KIF6: variants seen among roughly 807,000 people sequenced by gnomAD.
The protein encoded by KIF6 is kinesin-like protein KIF6.
Under a neutral mutation model 112.7 loss-of-function variants are expected in KIF6, and 106 were observed. The ratio of observed to expected loss-of-function variants is 0.94; its 90% CI spans 0.80 to 1.11. The LOEUF is 1.11. Ranked by LOEUF, KIF6 falls within the 50% of genes least tolerant of loss-of-function variation. The pLI is 0.00. For synonymous variants in KIF6, 339 were observed against 339.9 expected (o/e 1.00, Z 0.03); for missense variants, 929 against 964.0 (o/e 0.96, Z 0.48).
chr6:39,596,303 A>T (rs760455567), intron 6 of KIF6, 43 bp from the exon 7 acceptor site: 57 of 1,271,002 alleles, frequency 4.5e-5, no homozygotes, highest in Non-Finnish European at 6.2e-5. Context: ...AACAATGAAA[A>T]TTTTTAAAGA....
intron 5 of KIF6, among the ~76,000 whole-genome samples, chr6:39,631,001 T>C (rs1248579039): frequency 1.3e-5 from 2 of 152,092 alleles, no homozygotes; most frequent in Non-Finnish European, 2.9e-5. Context: ...GAACTAGTCT[T>C]GCATACCTTA....
intron 15 of KIF6, among the ~76,000 whole-genome samples, chr6:39,388,284 ATTTT>A (rs3048044): frequency 6.9e-6 from 1 of 145,098 alleles, no homozygotes; most frequent in Admixed American, 6.9e-5. Flanking sequence ...CTAAGGAAGT[ATTTT>A]TTTTTTTTTG....
At chr6:39,479,638 A>G (rs1370667753) in intron 13 of KIF6, among the ~76,000 whole-genome samples, 7 of 152,046 alleles carry the variant, frequency 4.6e-5, no homozygotes, top group Non-Finnish European at 1.0e-4. Flanking sequence ...GTAAAGAATG[A>G]TGGTGGTATT....
chr6:39,423,156 GCA>G (rs1451073118), intron 14 of KIF6, among the ~76,000 whole-genome samples: 1 of 152,162 alleles, frequency 6.6e-6, no homozygotes, highest in East Asian at 1.9e-4. Flanking sequence ...CATGTCACCT[GCA>G]CACAAAATCC....
chr6:39,584,284 T>A (rs1315015087), intron 9 of KIF6, among the ~76,000 whole-genome samples: 1 of 150,774 alleles, frequency 6.6e-6, no homozygotes, highest in Non-Finnish European at 1.5e-5. Context: ...ATTAGCTGGT[T>A]GTGGCGGCGT....
At chr6:39,625,998 C>T (rs978882344) in intron 5 of KIF6, among the ~76,000 whole-genome samples, 6 of 152,030 alleles carry the variant, frequency 3.9e-5, no homozygotes, top group African/African-American at 1.4e-4. Context: ...AAGAGATGAA[C>T]GTCTGGTATA....
intron 16 of KIF6, among the ~76,000 whole-genome samples, chr6:39,369,829 A>G (rs2150281676): frequency 6.6e-6 from 1 of 152,156 alleles, no homozygotes; most frequent in East Asian, 1.9e-4. Context: ...TTCAAATGGG[A>G]GCTCTCTCTC....
At chr6:39,695,500 C>T (rs1437948742) in intron 3 of KIF6, among the ~76,000 whole-genome samples, 2 of 152,030 alleles carry the variant, frequency 1.3e-5, no homozygotes, top group Non-Finnish European at 2.9e-5. Context: ...GGACAAAGAA[C>T]AAACACTTCT....
At chr6:39,697,260 A>C (rs1339762635) in intron 3 of KIF6, among the ~76,000 whole-genome samples, 2 of 152,092 alleles carry the variant, frequency 1.3e-5, no homozygotes, top group South Asian at 4.2e-4. Context: ...CTCTAGTGAC[A>C]GTGATTGGTC....
Position 39,378,047 on chromosome 6 carries a change from T to TA in KIF6, c.1861+7574dup, listed in dbSNP as rs1423767607. Reference sequence around the variant, plus strand: ...TTCTTTTTTTAATTAATACTATCAGTATAACTATCTTCTATAACAGTATAT... The same window carrying TA: ...TTCTTTTTTTAATTAATACTATCAGTAATAACTATCTTCTATAACAGTATAT... On this transcript the variant is annotated intron_variant, in intron 16 of 22. Coordinates refer to ENST00000287152, the MANE Select transcript of KIF6 (RefSeq NM_145027.6). This position sits in a 1 kb window ranked among gnomAD's most constrained non-coding sequence, Gnocchi z 5.0. 6.6e-6 allele frequency among the ~76,000 whole-genome samples: 1 copy of TA among 152,146 alleles called. No individual in the cohort carries two copies. The highest frequency in any genetic ancestry group is 2.4e-5 in the African/African-American group (1 of 41,408).
intron 16 of KIF6, among the ~76,000 whole-genome samples, chr6:39,374,544 C>A (rs886480579): frequency 6.6e-6 from 1 of 151,972 alleles, no homozygotes; most frequent in Non-Finnish European, 1.5e-5. Flanking sequence ...AACACATAAC[C>A]CTATTAAAAA....
rs189250027 is a variant in KIF6, at chr6:39,655,606, T to C, written c.252-15849A>G. Among the ~76,000 whole-genome samples the C allele has an allele frequency of 1.8e-3, 270 of 152,292 alleles. 2 individuals are homozygous for C. The highest frequency in any genetic ancestry group is 6.8e-3 in the Middle Eastern group (2 of 294). On this transcript the variant is annotated intron_variant, in intron 3 of 22. Coordinates refer to ENST00000287152, the MANE Select transcript of KIF6 (RefSeq NM_145027.6). ...ACTTACATTTTTTAGTAACATGAGT[T>C]AGAATCTAACTTTGTTTTTGCTCAG...
chr6:39,725,088 G>A (rs1461702753), intron 1 of KIF6, among the ~76,000 whole-genome samples, 157 bp downstream of exon 1: 1 of 152,110 alleles, frequency 6.6e-6, no homozygotes, highest in Admixed American at 6.5e-5. Context: ...GGGTCTTCGC[G>A]GCTGCAGGGC....
At chr6:39,575,372 GC>G (rs1780891772) in intron 10 of KIF6, among the ~76,000 whole-genome samples, 2 of 151,780 alleles carry the variant, frequency 1.3e-5, no homozygotes, top group African/African-American at 4.8e-5. Flanking sequence ...CCGGGTTGAC[GC>G]CATTCTCCTG....
intron 12 of KIF6, among the ~76,000 whole-genome samples, chr6:39,543,387 T>TG (rs542923135): frequency 3.4e-4 from 52 of 151,212 alleles, no homozygotes; most frequent in East Asian, 1.8e-3. Flanking sequence ...TGTGTGTGGG[T>TG]GGGGGGGGAT....
chr6:39,620,308 C>G (rs1783743680), intron 5 of KIF6: 1 of 152,064 alleles, frequency 6.6e-6, no homozygotes, highest in East Asian at 1.9e-4. Flanking sequence ...CCCATTTTTA[C>G]TAATACTTGC....
chr6:39,432,147 G>A (rs1272287875), intron 13 of KIF6, among the ~76,000 whole-genome samples: 1 of 152,246 alleles, frequency 6.6e-6, no homozygotes, highest in East Asian at 1.9e-4. Context: ...ACTTCACATG[G>A]CAATCCTTTC....
intron 13 of KIF6, among the ~76,000 whole-genome samples, chr6:39,530,466 A>T (rs1582061334): frequency 6.6e-6 from 1 of 152,356 alleles, no homozygotes; most frequent in East Asian, 1.9e-4. Flanking sequence ...CTCTTTCCAA[A>T]CTACGGAGCG....
At chr6:39,621,196 G>GACAC (rs55752326) in intron 5 of KIF6, among the ~76,000 whole-genome samples, 1,820 of 135,974 alleles carry the variant, frequency 0.013, 18 homozygotes, top group African/African-American at 0.033. Context: ...CCGTAAGATA[G>GACAC]ACACACACAC....
Sources: allele counts gnomAD v4.1 joint callset (sites outside exome capture counted in the v4.1 genomes callset), GRCh38; gene constraint gnomAD v4.1.1; non-coding constraint Gnocchi (gnomAD v3.1); transcripts MANE v1.5; gene names NCBI Gene and HGNC (gene_info 2026-07-23, HGNC 2026-07-21).